The following PDE4B variants were observed in gnomAD, a reference collection of about 807,000 sequenced individuals.
The protein encoded by PDE4B is phosphodiesterase 4B.
Under a neutral mutation model 82.2 loss-of-function variants are expected in PDE4B, and 20 were observed. The observed-to-expected ratio is 0.24, with a 90% CI of 0.17 to 0.35. The LOEUF is 0.35. PDE4B is among the 10% of genes least tolerant of loss of function. PDE4B has a pLI of 1.00. For missense variants in PDE4B, 655 were observed against 907.2 expected, an observed-to-expected ratio of 0.72 and a Z score of 3.57; for synonymous variants, 320 against 318.9, an observed-to-expected ratio of 1.00 and a Z score of -0.04.
At chr1:66,042,336 G>A (rs1654433430) in intron 3 of PDE4B, among the ~76,000 whole-genome samples, 1 of 151,584 alleles carries the variant, frequency 6.6e-6, no homozygotes, top group African/African-American at 2.4e-5. Flanking sequence ...CAACATTGAT[G>A]GATGAAAAAA....
Position 65,848,308 on chromosome 1 carries a change from T to TG in PDE4B, c.-71+55060_-71+55061insG, listed in dbSNP as rs1424581687. ...CATGTGCCACCACGCATGGCTAATT[T>TG]TTGTGTGTGTGTGTTTTAGTAGAGA... is the stretch of plus-strand genomic sequence containing the variant. On this transcript the variant is annotated intron_variant, in intron 1 of 16. Coordinates refer to ENST00000341517, the MANE Select transcript of PDE4B (RefSeq NM_002600.4). 1.9e-3 allele frequency among the ~76,000 whole-genome samples: 284 copies of TG among 152,096 alleles called. 1 individual carries two copies. Among genetic ancestry groups the TG allele is most frequent in the African/African-American group, 6.7e-3 (277 of 41,504 alleles).
intron 7 of PDE4B, among the ~76,000 whole-genome samples, chr1:66,305,021 C>T (rs1370255630): frequency 6.6e-6 from 1 of 152,128 alleles, no homozygotes; most frequent in Non-Finnish European, 1.5e-5. Context: ...GAATGCCCTT[C>T]TCTCAGAAGA....
At chr1:65,977,002 G>A (rs963414433) in intron 3 of PDE4B, among the ~76,000 whole-genome samples, 3 of 152,188 alleles carry the variant, frequency 2.0e-5, no homozygotes, top group African/African-American at 7.2e-5. Flanking sequence ...CCCATCATAA[G>A]CATTTTTGAG....
intron 7 of PDE4B, among the ~76,000 whole-genome samples, chr1:66,326,504 C>A (rs985498329): frequency 6.6e-6 from 1 of 152,158 alleles, no homozygotes; most frequent in Non-Finnish European, 1.5e-5. Context: ...TATTTGGTTT[C>A]CTTTGTTCCA....
intron 3 of PDE4B, among the ~76,000 whole-genome samples, chr1:65,978,651 A>G (rs1387286579): frequency 2.0e-5 from 3 of 152,214 alleles, no homozygotes; most frequent in Non-Finnish European, 4.4e-5. Context: ...AAAAATATCA[A>G]GAGTACTGTT....
intron 7 of PDE4B, among the ~76,000 whole-genome samples, chr1:66,318,123 TCAGATG>T (rs1327548228): frequency 6.6e-6 from 1 of 152,140 alleles, no homozygotes; most frequent in Non-Finnish European, 1.5e-5. Flanking sequence ...CCCAGGAGAT[TCAGATG>T]CACCTCTTCT....
intron 3 of PDE4B, among the ~76,000 whole-genome samples, chr1:66,162,475 G>C (rs12738312): frequency 1.3e-5 from 2 of 152,008 alleles, no homozygotes; most frequent in Non-Finnish European, 2.9e-5. Context: ...GAGTGCATCA[G>C]ATCTTGGGTA....
chr1:65,945,469 C>T lies in PDE4B; in HGVS notation c.281+26634C>T, dbSNP rs140891453. Among the ~76,000 whole-genome samples, 208 of 151,986 alleles carry T rather than the reference C, an allele frequency of 1.4e-3. 1 individual carries two copies. The highest frequency in any genetic ancestry group is 4.6e-3 in the African/African-American group (190 of 41,506). ...CCAGACCAAGAATACACGTTAATTC[C>T]GGCTACAGTAAACATAACCTTTCCC... On this transcript the variant is annotated intron_variant, in intron 3 of 16. Transcript: ENST00000341517.
chr1:66,091,244 G>A (rs953783392), intron 3 of PDE4B, among the ~76,000 whole-genome samples: 2 of 151,894 alleles, frequency 1.3e-5, no homozygotes, highest in Non-Finnish European at 2.9e-5. Flanking sequence ...AGCCTACTGC[G>A]GTGATCTTCA....
intron 7 of PDE4B, among the ~76,000 whole-genome samples, chr1:66,306,576 G>A (rs545617480): frequency 1.3e-5 from 2 of 152,256 alleles, no homozygotes; most frequent in Non-Finnish European, 2.9e-5. Context: ...GAGAAAGACG[G>A]TGCCATTCAC....
intron 3 of PDE4B, among the ~76,000 whole-genome samples, chr1:66,143,765 A>G (rs1377894625): frequency 6.6e-6 from 1 of 152,226 alleles, no homozygotes; most frequent in Non-Finnish European, 1.5e-5. Context: ...CCTCTTGAAA[A>G]GGAGAAAGAC....
intron 1 of PDE4B, among the ~76,000 whole-genome samples, chr1:65,868,410 G>A (rs1033500005): frequency 1.3e-5 from 2 of 152,210 alleles, no homozygotes; most frequent in Middle Eastern, 3.2e-3. Context: ...TGCTAGGGAG[G>A]CACTTCATAG....
At chr1:66,200,692 A>T (rs957510365) in intron 3 of PDE4B, among the ~76,000 whole-genome samples, 8 of 152,122 alleles carry the variant, frequency 5.3e-5, no homozygotes, top group Non-Finnish European at 1.2e-4. Context: ...TTGTACACTG[A>T]TTTTGTGTCC....
intron 3 of PDE4B, among the ~76,000 whole-genome samples, chr1:65,976,168 C>A (rs751475809): frequency 1.3e-5 from 2 of 152,184 alleles, no homozygotes; most frequent in Non-Finnish European, 2.9e-5. Flanking sequence ...CTGCCCAAGG[C>A]CTTGGGAGCC....
intron 3 of PDE4B, among the ~76,000 whole-genome samples, chr1:66,018,739 C>T (rs1424765344): frequency 6.6e-6 from 1 of 152,096 alleles, no homozygotes; most frequent in Admixed American, 6.5e-5. Flanking sequence ...TCTATGGATA[C>T]AATCTTAAGT....
At chr1:66,054,481 A>T (rs1655200552) in intron 3 of PDE4B, among the ~76,000 whole-genome samples, 2 of 152,208 alleles carry the variant, frequency 1.3e-5, no homozygotes, top group South Asian at 4.1e-4. Context: ...ATATCTGTTC[A>T]ACATAGTGCC....
At chr1:66,183,013 C>T (rs188810460) in intron 3 of PDE4B, among the ~76,000 whole-genome samples, 2 of 152,324 alleles carry the variant, frequency 1.3e-5, no homozygotes, top group South Asian at 2.1e-4. Context: ...GATATCATAA[C>T]CTGTATCCAG....
At position 65,855,549 on chromosome 1, in the gene PDE4B, A is replaced by T. The variant is rs1293566560; in HGVS notation, c.-70-57696A>T. 2.0e-5 allele frequency among the ~76,000 whole-genome samples: 3 copies of T among 151,750 alleles called. No individual in the cohort carries two copies. The East Asian group carries it at 5.8e-4, about 29-fold the overall frequency. ...CTCCATCAGAACTCAAATGTTTCCC[A>T]TTTCTGGGTGGGCTCTAGGAATAGT... On this transcript the variant is annotated intron_variant, in intron 1 of 16. Transcript: ENST00000341517.
chr1:65,808,034 C>T (rs1645776599), intron 1 of PDE4B, among the ~76,000 whole-genome samples: 1 of 152,126 alleles, frequency 6.6e-6, no homozygotes, highest in African/African-American at 2.4e-5. Context: ...GAGCATCGAC[C>T]TCTAGACTGT....
Sources: gnomAD v4.1 joint callset for allele counts (sites outside exome capture counted in the v4.1 genomes callset) on GRCh38, gnomAD v4.1.1 for gene constraint, MANE v1.5 for transcripts, NCBI Gene and HGNC (gene_info 2026-07-23, HGNC 2026-07-21) for gene names.